The following MAPT variants were observed in gnomAD, a reference collection of about 807,000 sequenced individuals.
MAPT encodes microtubule associated protein tau, also known as microtubule-associated protein tau.
A neutral mutation model predicts 67.9 loss-of-function variants in MAPT; 34 were observed. The observed-to-expected ratio is 0.50, with a 90% CI of 0.38 to 0.67. The LOEUF (loss-of-function observed/expected upper bound fraction) is 0.67, where lower values mean the gene tolerates loss of function less well. Ranked by LOEUF, MAPT falls within the 30% of genes least tolerant of loss-of-function variation. The probability of loss-of-function intolerance (pLI) is 0.00; values close to 1 mark genes in which losing one functional copy is unlikely to be tolerated. For missense variants in MAPT, 881 were observed against 1,115.2 expected, an observed-to-expected ratio of 0.79 and a Z score of 2.99; for synonymous variants, 456 against 464.5, an observed-to-expected ratio of 0.98 and a Z score of 0.23.
intron 9 of MAPT, among the ~76,000 whole-genome samples, chr17:46,000,411 G>A (rs569605094): frequency 2.6e-5 from 4 of 152,306 alleles, no homozygotes; most frequent in African/African-American, 7.2e-5. Flanking sequence ...CCGCACTGGA[G>A]CACCAGCTGG....
intron 5 of MAPT, among the ~76,000 whole-genome samples, 194 bp downstream of exon 5, chr17:45,984,124 C>T (rs1296789393): frequency 1.3e-5 from 2 of 152,210 alleles, no homozygotes; most frequent in Non-Finnish European, 2.9e-5. Context: ...TGGCCGCACG[C>T]GCCCCTCACG....
intron 1 of MAPT, among the ~76,000 whole-genome samples, chr17:45,941,208 AT>A (rs1273685730): frequency 6.6e-6 from 1 of 152,246 alleles, no homozygotes; most frequent in Non-Finnish European, 1.5e-5. Context: ...AAGAAAATAA[AT>A]TTAAGTTTGA....
intron 2 of MAPT, among the ~76,000 whole-genome samples, chr17:45,969,576 C>T (rs900369871): frequency 7.3e-6 from 1 of 136,986 alleles, no homozygotes; most frequent in Non-Finnish European, 1.7e-5. Context: ...CATCCATCCA[C>T]CCATCCCTTC....
intron 2 of MAPT, chr17:45,969,069 A>G (rs2071381276): frequency 6.6e-6 from 1 of 152,230 alleles, no homozygotes; most frequent in African/African-American, 2.4e-5. Context: ...CCAGTCTTCC[A>G]GAGTTGAGTC....
rs1380071239 is a variant in MAPT, at chr17:45,911,167, T to C, written c.-18+16481T>C. Among the ~76,000 whole-genome samples the C allele has an allele frequency of 2.0e-5, 3 of 152,366 alleles. No homozygotes were observed. In the East Asian group the frequency reaches 5.8e-4, roughly 29 times the overall value. ...TCCACAATGTTGTCTAATTCCACTC[T>C]TTGGGCTTCCCCAGGGATCCAGCCT... is the stretch of plus-strand genomic sequence containing the variant. On this transcript the variant is annotated intron_variant, in intron 1 of 12. Transcript: ENST00000262410.
Position 46,024,246 on chromosome 17 carries a change from C to T in MAPT, c.*75C>T, listed in dbSNP as rs1340911168. ...TGTGGAAAAAAAAAGAATAATGACC[C>T]GGCCCCCGCCCTCTGCCCCCAGCTG... On this transcript the variant is annotated 3_prime_UTR_variant, in exon 13 of 13. Coordinates refer to ENST00000262410, the MANE Select transcript of MAPT (RefSeq NM_001377265.1). The T allele has an allele frequency of 1.1e-5, 14 of 1,327,592 alleles. No homozygotes were observed. Among genetic ancestry groups the T allele is most frequent in the South Asian group, 8.4e-5 (7 of 83,568 alleles). The allele number at this position is 1,327,592 out of a possible 1,614,324, so 82.2% of individuals were successfully genotyped here.
chr17:45,924,489 A>G (rs1352564805), intron 1 of MAPT, among the ~76,000 whole-genome samples: 1 of 152,206 alleles, frequency 6.6e-6, no homozygotes, highest in Non-Finnish European at 1.5e-5. Flanking sequence ...CTTTGAAGGC[A>G]AACAAAACAG....
chr17:45,904,005 T>A (rs1283207070), intron 1 of MAPT, among the ~76,000 whole-genome samples: 5 of 11,796 alleles, frequency 4.2e-4, no homozygotes, highest in Admixed American at 1.8e-3. Context: ...TATTATATAT[T>A]ATATATATTA....
Position 45,996,718 on chromosome 17 carries a change from G to A in MAPT, c.1998+54G>A. The A allele has an allele frequency of 6.2e-7, 1 of 1,601,386 alleles. No individual in the cohort carries two copies. The highest frequency in any genetic ancestry group is 8.5e-7 in the Non-Finnish European group (1 of 1,173,550). ...GTGGGGGGCTGCGCCTGGAGGGGTA[G>A]GGCTGTGCCTGGAAGGGTAGGGCTG... On this transcript the variant is annotated intron_variant, in intron 9 of 12. Transcript: ENST00000262410. The surrounding 1 kb of genome is among the most constrained non-coding windows in gnomAD (Gnocchi z 4.5).
At chr17:45,986,776 C>T (rs921158740) in intron 5 of MAPT, among the ~76,000 whole-genome samples, 1 of 152,208 alleles carries the variant, frequency 6.6e-6, no homozygotes, top group African/African-American at 2.4e-5. Flanking sequence ...GTTTCTGCTG[C>T]GTCCCCTCTG....
intron 9 of MAPT, among the ~76,000 whole-genome samples, chr17:46,006,225 G>A (rs1327825614): frequency 6.6e-6 from 1 of 152,128 alleles, no homozygotes; most frequent in African/African-American, 2.4e-5. Context: ...AAGAAAATGT[G>A]GTGCATATAC....
At chr17:45,986,565 C>T (rs778886094) in intron 5 of MAPT, among the ~76,000 whole-genome samples, 2 of 152,212 alleles carry the variant, frequency 1.3e-5, no homozygotes, top group Non-Finnish European at 2.9e-5. Flanking sequence ...CACCCACCCC[C>T]ATCCTTGGAT....
rs952702271 is a variant in MAPT at position 45,896,187 on chromosome 17, C to T, written c.-18+1501C>T. ...CCGGCACGCATGGAACGGGCGTGAC[C>T]GCGCGCAGCCTCGTCTCGGAGTCTG... On this transcript the variant is annotated intron_variant, in intron 1 of 12. Coordinates refer to ENST00000262410, the MANE Select transcript of MAPT (RefSeq NM_001377265.1). This position sits in a 1 kb window ranked among gnomAD's most constrained non-coding sequence, Gnocchi z 5.6. 1 of 152,040 alleles carries T rather than the reference C, an allele frequency of 6.6e-6. No individual in the cohort carries two copies. Among genetic ancestry groups the T allele is most frequent in the African/African-American group, 2.4e-5 (1 of 41,364 alleles). 9.4% of individuals were successfully genotyped at this position (152,040 alleles called of 1,614,324 possible). A position where few individuals can be genotyped will look rare whatever the true frequency, so the allele number is the denominator to read the frequency against.
chr17:45,938,789 G>C (rs940115716), intron 1 of MAPT, among the ~76,000 whole-genome samples: 1 of 151,230 alleles, frequency 6.6e-6, no homozygotes, highest in Non-Finnish European at 1.5e-5. Flanking sequence ...AACTACAGGG[G>C]TGAGCCCCCA....
chr17:45,948,294 C>T (rs1185390214), intron 1 of MAPT, among the ~76,000 whole-genome samples: 1 of 150,580 alleles, frequency 6.6e-6, no homozygotes, highest in African/African-American at 2.4e-5. Flanking sequence ...TATGAGCCAC[C>T]GCACCCAGCC....
chr17:45,925,039 GTTCTGAC>G (rs1365119225), intron 1 of MAPT, among the ~76,000 whole-genome samples: 2 of 152,170 alleles, frequency 1.3e-5, no homozygotes, highest in African/African-American at 4.8e-5. Context: ...GGTAAATTTA[GTTCTGAC>G]TTCTGTCCAC....
chr17:45,964,757 C>T (rs1400022939), intron 2 of MAPT, among the ~76,000 whole-genome samples: 1 of 151,948 alleles, frequency 6.6e-6, no homozygotes, highest in Non-Finnish European at 1.5e-5. Flanking sequence ...TTTCCACCTC[C>T]TCTCCCACTT....
At chr17:46,008,964 G>A (rs560940059) in intron 9 of MAPT, among the ~76,000 whole-genome samples, 3 of 152,352 alleles carry the variant, frequency 2.0e-5, no homozygotes, top group Admixed American at 6.5e-5. Context: ...TTGGGAAGCC[G>A]AGGTGGGCTG....
chr17:45,930,592 C>G (rs1236076431), intron 1 of MAPT, among the ~76,000 whole-genome samples: 1 of 152,194 alleles, frequency 6.6e-6, no homozygotes. Context: ...TCCCAGGCCA[C>G]ACAGCCAGTA....
Sources: gnomAD v4.1 joint callset for allele counts (sites outside exome capture counted in the v4.1 genomes callset) on GRCh38, gnomAD v4.1.1 for gene constraint, Gnocchi (gnomAD v3.1) non-coding constraint, MANE v1.5 for transcripts, NCBI Gene and HGNC (gene_info 2026-07-23, HGNC 2026-07-21) for gene names.